TMEM132B: variants seen among roughly 807,000 people sequenced by gnomAD.
The protein encoded by TMEM132B is transmembrane protein 132B.
TMEM132B carries 18 observed loss-of-function variants against 90.8 expected under a neutral mutation model. The ratio of observed to expected loss-of-function variants is 0.20; its 90% CI spans 0.14 to 0.29. TMEM132B has a LOEUF of 0.29. TMEM132B is among the 10% of genes least tolerant of loss of function. The pLI is 1.00. For missense variants in TMEM132B, 1,096 were observed against 1,326.8 expected (o/e 0.83, Z 2.70); for synonymous variants, 504 against 523.3 (o/e 0.96, Z 0.50).
intron 2 of TMEM132B, among the ~76,000 whole-genome samples, chr12:125,358,098 G>T (rs1381705146): frequency 6.6e-6 from 1 of 150,684 alleles, no homozygotes; most frequent in Non-Finnish European, 1.5e-5. Flanking sequence ...GTTTTTTTTT[G>T]AAATCAAGCA....
intron 1 of TMEM132B, among the ~76,000 whole-genome samples, chr12:125,313,758 G>A (rs1219455751): frequency 2.4e-5 from 3 of 125,422 alleles, no homozygotes; most frequent in African/African-American, 3.1e-5. Flanking sequence ...CTGGCTTCAC[G>A]GACATGGGAC....
At chr12:125,527,601 C>CACCCATCCACCCTTCCATCT (rs1347287492) in intron 4 of TMEM132B, among the ~76,000 whole-genome samples, 1 of 149,218 alleles carries the variant, frequency 6.7e-6, no homozygotes, top group African/African-American at 2.5e-5. Flanking sequence ...CCCTTCTATC[C>CACCCATCCACCCTTCCATCT]ACCCATCCAC....
intron 1 of TMEM132B, among the ~76,000 whole-genome samples, chr12:125,191,592 G>A (rs367708500): frequency 6.6e-6 from 1 of 152,188 alleles, no homozygotes; most frequent in African/African-American, 2.4e-5. Flanking sequence ...CCTTTGATGT[G>A]CTAGCCTTTG....
intron 4 of TMEM132B, among the ~76,000 whole-genome samples, chr12:125,553,899 A>G (rs1446529352): frequency 6.6e-6 from 1 of 152,200 alleles, no homozygotes; most frequent in Non-Finnish European, 1.5e-5. Context: ...GGGGCCATGA[A>G]AATGACTGTG....
chr12:125,286,965 A>G (rs1297556021), intron 1 of TMEM132B, among the ~76,000 whole-genome samples: 1 of 150,892 alleles, frequency 6.6e-6, no homozygotes, highest in African/African-American at 2.4e-5. Context: ...GGCCTCCCTA[A>G]GTGCTGGGAT....
chr12:125,315,314 T>C (rs1490253078), intron 1 of TMEM132B, among the ~76,000 whole-genome samples: 1 of 152,230 alleles, frequency 6.6e-6, no homozygotes, highest in Non-Finnish European at 1.5e-5. Flanking sequence ...TTCTCCTGCC[T>C]CAGCCTCCCA....
chr12:125,503,877 G>A (rs150966379), intron 3 of TMEM132B, among the ~76,000 whole-genome samples: 1 of 152,328 alleles, frequency 6.6e-6, no homozygotes, highest in Admixed American at 6.5e-5. Context: ...TTTCAGGAGT[G>A]CTTTAAGAGA....
At chr12:125,362,499 T>C (rs1246460156) in intron 2 of TMEM132B, among the ~76,000 whole-genome samples, 4 of 152,178 alleles carry the variant, frequency 2.6e-5, no homozygotes, top group Admixed American at 2.6e-4. Context: ...TATTAACACA[T>C]CTTAAAGTGT....
At chr12:125,269,641 C>T (rs1358701822) in intron 1 of TMEM132B, among the ~76,000 whole-genome samples, 2 of 152,150 alleles carry the variant, frequency 1.3e-5, no homozygotes, top group African/African-American at 4.8e-5. Context: ...CACCTTATAT[C>T]TCCCTAGTTC....
At chr12:125,535,542 C>T (rs945873998) in intron 4 of TMEM132B, among the ~76,000 whole-genome samples, 2 of 152,172 alleles carry the variant, frequency 1.3e-5, no homozygotes, top group Admixed American at 6.5e-5. Flanking sequence ...AATTCTCCTA[C>T]TTTTTTGTGA....
rs1453852853 is a variant in TMEM132B, at chr12:125,650,705, G to A, written c.1666G>A (p.Glu556Lys). Residue 556 changes from glutamate to lysine, a missense_variant, in exon 7 of 9, where the codon GAG (glutamate) becomes AAG (lysine). By Grantham distance (56) the Glu-to-Lys change is moderately conservative. Coordinates refer to ENST00000682704, the MANE Select transcript of TMEM132B (RefSeq NM_001366854.1). The stretch of plus-strand genomic sequence containing the variant: ...CAGGCCTACCCGGGAAAGCGATGAC[G>A]AGGACGATGAGGAGAAGAAGGGACG... The part of the protein sequence containing the change: ...NRRPTRESDD[E>K]DDEEKKGRGC... 1.9e-6 allele frequency: 3 copies of A among 1,608,874 alleles called. No homozygotes were observed. The highest frequency in any genetic ancestry group is 1.7e-6 in the Non-Finnish European group (2 of 1,175,458).
chr12:125,188,561 T>G (rs1307995493), intron 1 of TMEM132B, among the ~76,000 whole-genome samples: 1 of 20,488 alleles, frequency 4.9e-5, no homozygotes, highest in Non-Finnish European at 1.1e-4. Context: ...TCCCCCGCCC[T>G]CTCCCCCAGC....
intron 1 of TMEM132B, among the ~76,000 whole-genome samples, chr12:125,320,900 G>C (rs1047670867): frequency 2.0e-5 from 3 of 152,156 alleles, no homozygotes; most frequent in Non-Finnish European, 4.4e-5. Context: ...CAATGTTTTT[G>C]GTAAATTTTC....
chr12:125,441,580 TG>T (rs1880872466), intron 3 of TMEM132B, among the ~76,000 whole-genome samples: 1 of 152,356 alleles, frequency 6.6e-6, no homozygotes, highest in Admixed American at 6.5e-5. Flanking sequence ...AGTTATCTGC[TG>T]GCCCCTCCAG....
chr12:125,603,421 C>A (rs776322678), intron 5 of TMEM132B, among the ~76,000 whole-genome samples: 1 of 152,136 alleles, frequency 6.6e-6, no homozygotes, highest in Non-Finnish European at 1.5e-5. Flanking sequence ...AAACTGGATC[C>A]CTTCCTTACA....
At chr12:125,450,550 C>T (rs1445623827) in intron 3 of TMEM132B, among the ~76,000 whole-genome samples, 1 of 152,122 alleles carries the variant, frequency 6.6e-6, no homozygotes, top group African/African-American at 2.4e-5. Flanking sequence ...CAGTAAGATA[C>T]TGAGGCCCAA....
In TMEM132B at chr12:125,648,429, G is replaced by C. The variant is rs867002554; in HGVS notation, c.1644-2254G>C. Among the ~76,000 whole-genome samples the C allele has an allele frequency of 1.2e-4, 18 of 151,980 alleles. 1 individual carries two copies. The highest frequency in any genetic ancestry group is 3.6e-4 in the African/African-American group (15 of 41,470). ...ATAAGTTATGCTTGTATGTTAATAA[G>C]CTCTATGTATACCATTGCCAATTTC... On this transcript the variant is annotated intron_variant, in intron 6 of 8. Coordinates refer to ENST00000682704, the MANE Select transcript of TMEM132B (RefSeq NM_001366854.1).
intron 2 of TMEM132B, among the ~76,000 whole-genome samples, chr12:125,357,465 T>A (rs1877816613): frequency 6.6e-6 from 1 of 152,236 alleles, no homozygotes; most frequent in South Asian, 2.1e-4. Flanking sequence ...ATATCACTTT[T>A]TAAAACTCAT....
At chr12:125,552,397 G>A (rs1592988863) in intron 4 of TMEM132B, among the ~76,000 whole-genome samples, 1 of 152,190 alleles carries the variant, frequency 6.6e-6, no homozygotes, top group African/African-American at 2.4e-5. Context: ...TGGTGTCTGA[G>A]GCATTGGAAG....
Sources: allele counts gnomAD v4.1 joint callset (sites outside exome capture counted in the v4.1 genomes callset), GRCh38; gene constraint gnomAD v4.1.1; transcripts MANE v1.5; gene names NCBI Gene and HGNC (gene_info 2026-07-23, HGNC 2026-07-21).